ASTN2: variants seen among roughly 807,000 people sequenced by gnomAD.
ASTN2 encodes the protein astrotactin 2.
ASTN2 carries 54 observed loss-of-function variants against 139.8 expected under a neutral mutation model. That is an observed-to-expected ratio of 0.39 (90% CI 0.31 to 0.48). The LOEUF is 0.48. Ranked by LOEUF, ASTN2 falls within the 20% of genes least tolerant of loss-of-function variation. The probability of loss-of-function intolerance (pLI) is 0.95; values close to 1 mark genes in which losing one functional copy is unlikely to be tolerated. For missense variants in ASTN2, 1,565 were observed against 1,725.1 expected (o/e 0.91, Z 1.64); for synonymous variants, 756 against 719.5 (o/e 1.05, Z -0.81).
At chr9:117,181,047 A>C in intron 3 of ASTN2, 1 of 1,484,678 alleles carries the variant, frequency 6.7e-7, no homozygotes, top group Non-Finnish European at 9.3e-7. Context: ...GGTCAGAAAC[A>C]TAAACATACA....
At position 116,822,506 on chromosome 9, in the gene ASTN2, G is replaced by A. The variant is rs973580135; in HGVS notation, c.2041-1723C>T. ...CCTGGTCACAGGGTCATTTGGAGCCGTTTGTGAGTACTGGGGCCTGGCTTC... is the reference window on the plus strand; with the variant it reads ...CCTGGTCACAGGGTCATTTGGAGCCATTTGTGAGTACTGGGGCCTGGCTTC... On this transcript the variant is annotated intron_variant, in intron 11 of 22. Transcript: ENST00000313400. Among the ~76,000 whole-genome samples the A allele has an allele frequency of 5.3e-5, 8 of 152,134 alleles. No individual in the cohort carries two copies. The East Asian group carries it at 9.6e-4, about 18-fold the overall frequency.
At position 116,979,856 on chromosome 9, in the gene ASTN2, C is replaced by T. The variant is rs1295621914; in HGVS notation, c.1592-3071G>A. ...AAATACCACAGTTCACTTCTTTCCT[C>T]TTTCTCTCATTTTTGGAAATATTGG... is the stretch of plus-strand genomic sequence containing the variant. On this transcript the variant is annotated intron_variant, in intron 7 of 22. Transcript: ENST00000313400. Among the ~76,000 whole-genome samples the T allele has an allele frequency of 3.9e-5, 6 of 152,230 alleles. No individual in the cohort carries two copies. The East Asian group carries it at 1.2e-3, about 29-fold the overall frequency.
At chr9:116,619,103 G>A (rs181846303) in intron 18 of ASTN2, among the ~76,000 whole-genome samples, 295 of 152,208 alleles carry the variant, frequency 1.9e-3, no homozygotes, top group Non-Finnish European at 3.5e-3. Flanking sequence ...CCATGATGGT[G>A]ATTTTGCTTA....
At chr9:117,087,653 T>G (rs975928900) in intron 5 of ASTN2, among the ~76,000 whole-genome samples, 1 of 152,232 alleles carries the variant, frequency 6.6e-6, no homozygotes, top group Non-Finnish European at 1.5e-5. Flanking sequence ...GCATGGTGGA[T>G]GCACTCGGCT....
intron 19 of ASTN2, among the ~76,000 whole-genome samples, chr9:116,565,387 C>CTCTCTCTCTCTCTCTCTCT (rs1491583433): frequency 3.3e-4 from 14 of 42,082 alleles, no homozygotes; most frequent in African/African-American, 5.3e-4. Flanking sequence ...CTCTCTCTCT[C>CTCTCTCTCTCTCTCTCTCT]CATATATATA....
Position 117,414,183 on chromosome 9 carries a change from C to T in ASTN2, c.442+314G>A, listed in dbSNP as rs1831256661. The stretch of plus-strand genomic sequence containing the variant: ...GATGCTCCGGCCCCTAGCCAGAGCA[C>T]CTTCAGTGAATGGGGTCTCCGGCTT... On this transcript the variant is annotated intron_variant, in intron 1 of 22. Coordinates refer to ENST00000313400, the MANE Select transcript of ASTN2 (RefSeq NM_001365068.1). This position sits in a 1 kb window ranked among gnomAD's most constrained non-coding sequence, Gnocchi z 4.2. 6.6e-6 allele frequency among the ~76,000 whole-genome samples: 1 copy of T among 152,050 alleles called. No individual in the cohort carries two copies.
chr9:117,216,525 T>G (rs570230571), intron 2 of ASTN2, among the ~76,000 whole-genome samples: 151 of 152,208 alleles, frequency 9.9e-4, no homozygotes, highest in Middle Eastern at 6.8e-3. Flanking sequence ...ATGTGTGTAT[T>G]TGTGTGTGTG....
intron 7 of ASTN2, among the ~76,000 whole-genome samples, chr9:116,983,751 T>C (rs1836587989): frequency 3.3e-5 from 5 of 152,188 alleles, no homozygotes. Flanking sequence ...AAGTTGGAAA[T>C]ATATTTATGT....
chr9:117,123,727 A>G (rs1208591472), intron 4 of ASTN2, among the ~76,000 whole-genome samples: 1 of 152,012 alleles, frequency 6.6e-6, no homozygotes, highest in Admixed American at 6.6e-5. Context: ...AAGCAAAGAG[A>G]CTGTAATTGG....
intron 6 of ASTN2, among the ~76,000 whole-genome samples, chr9:117,009,358 T>C (rs1219820709): frequency 6.6e-6 from 1 of 152,172 alleles, no homozygotes; most frequent in East Asian, 1.9e-4. Context: ...ATAATCTATG[T>C]AGATATTCCA....
Position 116,440,552 on chromosome 9 carries a change from A to G in ASTN2, c.3782+57T>C. 3 of 1,549,874 alleles carry G rather than the reference A, an allele frequency of 1.9e-6. No homozygotes were observed. In the South Asian group the frequency reaches 3.5e-5, roughly 18 times the overall value. On this transcript the variant is annotated intron_variant, in intron 22 of 22. Transcript: ENST00000313400. ...TCAGCCTATGGGGAAAGGGTCCAGAAAAGTCAACTGGAGGCAAAAAGAATA... is the reference window on the plus strand; with the variant it reads ...TCAGCCTATGGGGAAAGGGTCCAGAGAAGTCAACTGGAGGCAAAAAGAATA...
intron 10 of ASTN2, among the ~76,000 whole-genome samples, chr9:116,901,519 T>C (rs1463047181): frequency 1.3e-5 from 2 of 152,322 alleles, no homozygotes; most frequent in Non-Finnish European, 2.9e-5. Context: ...TGCGACAGTC[T>C]GCATAACATT....
At chr9:116,762,786 A>C (rs1356241286) in intron 13 of ASTN2, among the ~76,000 whole-genome samples, 1 of 152,252 alleles carries the variant, frequency 6.6e-6, no homozygotes, top group Non-Finnish European at 1.5e-5. Flanking sequence ...GCAACAGCAA[A>C]GCTGATTACT....
intron 17 of ASTN2, among the ~76,000 whole-genome samples, chr9:116,625,841 G>A (rs1856424901): frequency 6.6e-6 from 1 of 152,034 alleles, no homozygotes; most frequent in African/African-American, 2.4e-5. Context: ...AGGAGGTGTG[G>A]ACCCTGCCAC....
At chr9:117,279,022 G>A (rs1438398388) in intron 2 of ASTN2, among the ~76,000 whole-genome samples, 1 of 152,150 alleles carries the variant, frequency 6.6e-6, no homozygotes, top group Non-Finnish European at 1.5e-5. Context: ...CTATTAAAGG[G>A]GTTGAACTGG....
intron 1 of ASTN2, among the ~76,000 whole-genome samples, chr9:117,317,102 ACTCT>A (rs756922551): frequency 6.7e-6 from 1 of 148,224 alleles, no homozygotes; most frequent in Non-Finnish European, 1.5e-5. Context: ...CACTCTCCTC[ACTCT>A]CTCTCTCTCT....
chr9:116,600,581 A>G (rs1456423009), intron 19 of ASTN2, among the ~76,000 whole-genome samples: 1 of 152,170 alleles, frequency 6.6e-6, no homozygotes, highest in Non-Finnish European at 1.5e-5. Context: ...GTAGATGTAG[A>G]TAATATTGTC....
chr9:116,710,395 G>T (rs549208130), intron 16 of ASTN2, among the ~76,000 whole-genome samples: 1 of 152,138 alleles, frequency 6.6e-6, no homozygotes, highest in African/African-American at 2.4e-5. Flanking sequence ...GACAACAGAT[G>T]TTTAGAGTTA....
intron 11 of ASTN2, among the ~76,000 whole-genome samples, chr9:116,859,428 T>A (rs926926962): frequency 7.2e-5 from 11 of 152,214 alleles, no homozygotes; most frequent in Non-Finnish European, 7.3e-5. Context: ...TCAGATTTTT[T>A]AAATCTTGTG....
Sources: allele counts gnomAD v4.1 joint callset (sites outside exome capture counted in the v4.1 genomes callset), GRCh38; gene constraint gnomAD v4.1.1; non-coding constraint Gnocchi (gnomAD v3.1); transcripts MANE v1.5; gene names NCBI Gene and HGNC (gene_info 2026-07-23, HGNC 2026-07-21).